USP35: variants seen among roughly 807,000 people sequenced by gnomAD.
USP35 encodes the protein ubiquitin carboxyl-terminal hydrolase 35.
A neutral mutation model predicts 83.8 loss-of-function variants in USP35; 69 were observed. The ratio of observed to expected loss-of-function variants is 0.82; its 90% CI spans 0.68 to 1.01. The LOEUF is 1.01. Ranked by LOEUF, USP35 falls within the 50% of genes least tolerant of loss-of-function variation. The pLI is 0.00. For missense variants in USP35, 1,503 were observed against 1,362.5 expected, an observed-to-expected ratio of 1.10 and a Z score of -1.62; for synonymous variants, 714 against 589.5, an observed-to-expected ratio of 1.21 and a Z score of -3.06.
At position 78,196,765 on chromosome 11, in the gene USP35, C is replaced by T. The variant is rs1159987487; in HGVS notation, c.520C>T (p.Arg174Cys). ...CCAGCAGCTGGTGCGTTGCCTCGGC[C>T]GCTTCCGCTGCCCAGCCGAAGGCGA... ...FCQQLVRCLG[R>C]FRCPAEGEEG... The change falls in exon 2 of 11, where the codon CGC becomes TGC. Residue 174 changes from arginine to cysteine, a missense_variant. Physicochemically the swap from Arg to Cys is radical, Grantham distance 180. Coordinates refer to ENST00000529308, the MANE Select transcript of USP35 (RefSeq NM_020798.4). This position sits in a 1 kb window ranked among gnomAD's most constrained non-coding sequence, Gnocchi z 4.8. The T allele has an allele frequency of 5.2e-6, 8 of 1,533,012 alleles. No individual in the cohort carries two copies. The highest frequency in any genetic ancestry group is 3.9e-5 in the Admixed American group (2 of 50,908). 95.0% of individuals were successfully genotyped at this position (1,533,012 alleles called of 1,614,324 possible).
In USP35 at chr11:78,211,801, T is replaced by C. The variant is rs980067395; in HGVS notation, c.2889+1057T>C. 7.2e-5 allele frequency among the ~76,000 whole-genome samples: 11 copies of C among 152,190 alleles called. No individual in the cohort carries two copies. The East Asian group carries it at 2.1e-3, about 29-fold the overall frequency. Reference sequence around the variant, plus strand: ...TGCCCACTTTTTAATGGGGTTGTTTTTTTCTTGGACATTTAAGTTCCTTGT... The same window carrying C: ...TGCCCACTTTTTAATGGGGTTGTTTCTTTCTTGGACATTTAAGTTCCTTGT... On this transcript the variant is annotated intron_variant, in intron 10 of 10. Transcript: ENST00000529308.
chr11:78,205,971 C>G lies in USP35; in HGVS notation c.1327C>G (p.Leu443Val), dbSNP rs1449355769. The G allele has an allele frequency of 1.2e-6, 2 of 1,614,238 alleles. No individual in the cohort carries two copies. The highest frequency in any genetic ancestry group is 3.3e-5 in the Admixed American group (2 of 60,028). Residue 443 changes from leucine to valine, a missense_variant, in exon 7 of 11, where the codon CTC (leucine) becomes GTC (valine). Transcript: ENST00000529308. ...CAAGTCAGACACGGGCAAGATTGGT[C>G]TCATCAACCTGGGCAACACATGCTA... Reference protein sequence around the residue: ...MAKSDTGKIGLINLGNTCYVN... With the variant: ...MAKSDTGKIGVINLGNTCYVN...
intron 8 of USP35, among the ~76,000 whole-genome samples, chr11:78,207,924 G>A (rs766004986): frequency 6.6e-6 from 1 of 152,202 alleles, no homozygotes; most frequent in Admixed American, 6.5e-5. Flanking sequence ...CCAAATACTC[G>A]AGGCTTGGTG....
chr11:78,226,956 T>A, the USP35 span: 1 of 1,613,654 alleles, frequency 6.2e-7, no homozygotes, highest in Non-Finnish European at 8.5e-7. Context: ...ACTGATCCCG[T>A]TGACACAGTG....
At chr11:78,226,563 T>G in the USP35 span, 2 of 1,498,600 alleles carry the variant, frequency 1.3e-6, no homozygotes, top group Non-Finnish European at 1.8e-6. Context: ...CGGTCTCTGC[T>G]GAGGACTGCC....
chr11:78,206,818 G>C (rs1258615678), intron 7 of USP35, among the ~76,000 whole-genome samples: 3 of 152,228 alleles, frequency 2.0e-5, no homozygotes, highest in African/African-American at 4.8e-5. Context: ...CTGCTTGTGA[G>C]AACAGGAGAT....
Position 78,198,011 on chromosome 11 carries a change from G to C in USP35, c.749G>C (p.Arg250Pro). The change falls in exon 3 of 11, where the codon CGG becomes CCG. Residue 250 changes from arginine (R) to proline (P), a missense_variant. Physicochemically the swap from Arg to Pro is moderately radical, Grantham distance 103. Coordinates refer to ENST00000529308, the MANE Select transcript of USP35 (RefSeq NM_020798.4). ...TTGGAGCTCATGGATGGTGTTGTCC[G>C]GAACCTCAGCAATGATGACAGTGTG... Reference protein sequence around the residue: ...LPLELMDGVVRNLSNDDSVTD... With the variant: ...LPLELMDGVVPNLSNDDSVTD... 6.2e-7 allele frequency: 1 copy of C among 1,614,222 alleles called. No individual in the cohort carries two copies. Among genetic ancestry groups the C allele is most frequent in the Non-Finnish European group, 8.5e-7 (1 of 1,180,028 alleles).
At chr11:78,213,521 A>T in intron 10 of USP35, 125 bp from the exon 11 acceptor site, 1 of 1,138,668 alleles carries the variant, frequency 8.8e-7, no homozygotes, top group South Asian at 2.6e-5. Flanking sequence ...CTGAGCTGCA[A>T]TGTCTCTGTG....
chr11:78,205,041 C>CT (rs1267495791), intron 6 of USP35, among the ~76,000 whole-genome samples: 2 of 152,200 alleles, frequency 1.3e-5, no homozygotes, highest in African/African-American at 4.8e-5. Flanking sequence ...TTGCTGAACT[C>CT]TAAGTAGCGG....
At chr11:78,209,414 T>C in intron 9 of USP35, 34 bp from the exon 10 acceptor site, 5 of 1,544,460 alleles carry the variant, frequency 3.2e-6, no homozygotes, top group Non-Finnish European at 4.4e-6. Context: ...GGGACCCGCA[T>C]GTACATGTAG....
chr11:78,213,058 G>T (rs886571769), intron 10 of USP35, among the ~76,000 whole-genome samples: 7 of 152,112 alleles, frequency 4.6e-5, no homozygotes, highest in African/African-American at 1.7e-4. Context: ...TGTTTTGTGC[G>T]GGGGAATACA....
At chr11:78,225,949 T>C in the USP35 span, among the ~76,000 whole-genome samples, 4 of 152,322 alleles carry the variant, frequency 2.6e-5, no homozygotes, top group Admixed American at 6.5e-5. Flanking sequence ...GTTGGAATAC[T>C]CTCAGTGGAA....
chr11:78,222,419 T>G, the USP35 span, among the ~76,000 whole-genome samples: 2 of 151,966 alleles, frequency 1.3e-5, no homozygotes, highest in Admixed American at 6.6e-5. Context: ...GCTGTATCTA[T>G]GGTAATTATA....
At chr11:78,219,432 G>A (rs1014576855), downstream of USP35, 2 of 1,612,884 alleles carry the variant, frequency 1.2e-6, no homozygotes, top group Non-Finnish European at 1.7e-6. Flanking sequence ...GGACAGAGTG[G>A]GAAAGAGGGA....
intron 10 of USP35, among the ~76,000 whole-genome samples, chr11:78,211,546 T>C (rs748054701): frequency 6.6e-6 from 1 of 152,214 alleles, no homozygotes; most frequent in Non-Finnish European, 1.5e-5. Flanking sequence ...TCCATGATGG[T>C]TGAATTAATT....
At chr11:78,223,601 A>C in the USP35 span, 1 of 1,613,684 alleles carries the variant, frequency 6.2e-7, no homozygotes, top group South Asian at 1.1e-5. Context: ...AACAGGGTGG[A>C]AGAACCTGGA....
intron 9 of USP35, 67 bp from the exon 10 acceptor site, chr11:78,209,381 G>A: frequency 5.5e-6 from 8 of 1,467,144 alleles, no homozygotes; most frequent in South Asian, 2.8e-5. Context: ...AAATGGGCAT[G>A]GATAAGCTGA....
chr11:78,233,502 T>A, the USP35 span, among the ~76,000 whole-genome samples: 29,719 of 152,136 alleles, frequency 0.2, 3,128 homozygotes, highest in East Asian at 0.4. Flanking sequence ...ATTAAAAAAA[T>A]ATTGGATTGC....
At chr11:78,206,106 A>T in intron 7 of USP35, 71 bp downstream of exon 7, 668 of 1,289,404 alleles carry the variant, frequency 5.2e-4, no homozygotes, top group Middle Eastern at 1.0e-3. Context: ...ACAGGTGGAA[A>T]GGTGTCCGGG....
Sources: allele counts gnomAD v4.1 joint callset (sites outside exome capture counted in the v4.1 genomes callset), GRCh38; gene constraint gnomAD v4.1.1; non-coding constraint Gnocchi (gnomAD v3.1); transcripts MANE v1.5; gene names NCBI Gene and HGNC (gene_info 2026-07-23, HGNC 2026-07-21).